NRG3: variants seen among roughly 807,000 people sequenced by gnomAD.
The protein encoded by NRG3 is neuregulin 3.
Under a neutral mutation model 66.9 loss-of-function variants are expected in NRG3, and 31 were observed. The ratio of observed to expected loss-of-function variants is 0.46; its 90% CI spans 0.35 to 0.63. The LOEUF is 0.63. Ranked by LOEUF, NRG3 falls within the 20% of genes least tolerant of loss-of-function variation. NRG3 has a pLI of 0.00. For synonymous variants in NRG3, 393 were observed against 359.4 expected (o/e 1.09, Z -1.06); for missense variants, 910 against 878.9 (o/e 1.04, Z -0.45).
At chr10:82,316,112 A>G (rs1275430738) in intron 1 of NRG3, among the ~76,000 whole-genome samples, 1 of 152,146 alleles carries the variant, frequency 6.6e-6, no homozygotes, top group Non-Finnish European at 1.5e-5. Context: ...AGAGACTTCT[A>G]CTTGTGCCTT....
At chr10:82,259,467 A>G (rs115477519) in intron 1 of NRG3, among the ~76,000 whole-genome samples, 3,357 of 152,238 alleles carry the variant, frequency 0.022, 52 homozygotes, top group Middle Eastern at 0.075. Context: ...AAATTCCAGC[A>G]CCTACACTCC....
At chr10:82,010,190 A>G (rs1364349877) in intron 1 of NRG3, among the ~76,000 whole-genome samples, 1 of 152,190 alleles carries the variant, frequency 6.6e-6, no homozygotes, top group Non-Finnish European at 1.5e-5. Flanking sequence ...AAAGAATTTC[A>G]TCTTTATTTT....
chr10:82,019,354 AT>A (rs1042737241), intron 1 of NRG3, among the ~76,000 whole-genome samples: 1 of 152,000 alleles, frequency 6.6e-6, no homozygotes, highest in Non-Finnish European at 1.5e-5. Context: ...TTTATTGAGG[AT>A]TTTTGCATCA....
chr10:82,727,467 G>A (rs931959444), intron 2 of NRG3, among the ~76,000 whole-genome samples: 5 of 152,252 alleles, frequency 3.3e-5, no homozygotes, highest in Non-Finnish European at 5.9e-5. Flanking sequence ...TTCAGAGGGT[G>A]CAAGCACCAA....
intron 1 of NRG3, among the ~76,000 whole-genome samples, chr10:82,217,024 AG>A (rs2075724883): frequency 1.3e-5 from 2 of 152,352 alleles, no homozygotes; most frequent in Middle Eastern, 3.4e-3. Context: ...CTTGGAATTT[AG>A]ATAATTGTTT....
chr10:82,091,447 C>T (rs1285473420), intron 1 of NRG3, among the ~76,000 whole-genome samples: 6 of 152,144 alleles, frequency 3.9e-5, no homozygotes, highest in Non-Finnish European at 8.8e-5. Flanking sequence ...GTGTATTTCA[C>T]TAAGCATGGT....
chr10:82,179,265 A>G (rs1349106960), intron 1 of NRG3, among the ~76,000 whole-genome samples: 1 of 151,830 alleles, frequency 6.6e-6, no homozygotes, highest in African/African-American at 2.4e-5. Flanking sequence ...AGTCTCACTT[A>G]TCTATTTTTT....
chr10:82,100,230 TC>T, intron 1 of NRG3, among the ~76,000 whole-genome samples: 1 of 152,250 alleles, frequency 6.6e-6, no homozygotes, highest in Middle Eastern at 3.4e-3. Flanking sequence ...TTTTTTGGAT[TC>T]TATGGCTTTG....
At chr10:81,923,263 T>C (rs1209426829) in intron 1 of NRG3, among the ~76,000 whole-genome samples, 2 of 150,320 alleles carry the variant, frequency 1.3e-5, no homozygotes, top group African/African-American at 5.0e-5. Context: ...TGGAATGCGG[T>C]GGCGCGATCT....
At chr10:82,442,784 ATTTTT>A (rs61261285) in intron 2 of NRG3, among the ~76,000 whole-genome samples, 98 of 54,264 alleles carry the variant, frequency 1.8e-3, no homozygotes, top group African/African-American at 7.5e-3. Flanking sequence ...TTCTGTGTGG[ATTTTT>A]TTTTTTTTTT....
intron 1 of NRG3, among the ~76,000 whole-genome samples, chr10:81,941,090 G>C (rs1410866651): frequency 6.6e-6 from 1 of 152,054 alleles, no homozygotes; most frequent in Non-Finnish European, 1.5e-5. Context: ...AGATGAAAAA[G>C]ATATACAATG....
chr10:82,042,773 G>C (rs371419707), intron 1 of NRG3, among the ~76,000 whole-genome samples: 2 of 151,930 alleles, frequency 1.3e-5, no homozygotes, highest in East Asian at 3.9e-4. Context: ...ATCTGTGCTA[G>C]ACATTTCTTG....
At chr10:82,724,901 C>T (rs543060868) in intron 2 of NRG3, among the ~76,000 whole-genome samples, 3 of 152,186 alleles carry the variant, frequency 2.0e-5, no homozygotes, top group East Asian at 1.9e-4. Context: ...GATCAAGGTA[C>T]GTACTGTTTT....
chr10:82,384,511 T>C (rs375599964), intron 2 of NRG3, among the ~76,000 whole-genome samples: 56 of 152,300 alleles, frequency 3.7e-4, no homozygotes, highest in African/African-American at 1.1e-3. Flanking sequence ...TTCCCACTTA[T>C]AAGTTAGAAT....
chr10:82,332,009 T>C (rs1469581982), intron 1 of NRG3, among the ~76,000 whole-genome samples: 2 of 152,226 alleles, frequency 1.3e-5, no homozygotes, highest in Non-Finnish European at 2.9e-5. Context: ...GATAGCTTTA[T>C]GGGCAATTGT....
intron 1 of NRG3, among the ~76,000 whole-genome samples, chr10:81,979,952 A>G (rs1046897104): frequency 6.6e-5 from 10 of 152,188 alleles, no homozygotes; most frequent in African/African-American, 1.9e-4. Flanking sequence ...AATCAAGAAG[A>G]CCACAGGTAA....
rs369072711 is a variant in NRG3 at position 82,054,188 on chromosome 10, AGTT to A, written c.823+178032_823+178034del. On this transcript the variant is annotated intron_variant, in intron 1 of 8. Coordinates refer to ENST00000372141, the MANE Select transcript of NRG3 (RefSeq NM_001010848.4). ...ATTTATGTTTTAAAAGGATTACTCT[AGTT>A]GTTGTTCTGAAAATAGACTGTGGTG... Among the ~76,000 whole-genome samples the A allele has an allele frequency of 2.3e-3, 347 of 152,314 alleles. 3 individuals carry two copies. The highest frequency in any genetic ancestry group is 8.1e-3 in the African/African-American group (338 of 41,572).
intron 1 of NRG3, among the ~76,000 whole-genome samples, chr10:82,099,959 G>A (rs1452907257): frequency 6.7e-6 from 1 of 148,480 alleles, no homozygotes; most frequent in Non-Finnish European, 1.5e-5. Context: ...ACTCCAGTTA[G>A]GTGACAGAAC....
At chr10:82,431,404 T>A (rs531439511) in intron 2 of NRG3, among the ~76,000 whole-genome samples, 8 of 152,318 alleles carry the variant, frequency 5.3e-5, no homozygotes, top group Admixed American at 3.9e-4. Context: ...GGAATGAGAA[T>A]GCAGTTAGTG....
Sources: allele counts gnomAD v4.1 joint callset (sites outside exome capture counted in the v4.1 genomes callset), GRCh38; gene constraint gnomAD v4.1.1; transcripts MANE v1.5; gene names NCBI Gene and HGNC (gene_info 2026-07-23, HGNC 2026-07-21).